WDFY2: variants seen among roughly 807,000 people sequenced by gnomAD.
The protein encoded by WDFY2 is WD repeat and FYVE domain containing 2.
In WDFY2, 36 loss-of-function variants were observed where a neutral mutation model predicts 56.4. The observed-to-expected ratio is 0.64, with a 90% CI of 0.49 to 0.84. WDFY2 has a LOEUF of 0.84. Ranked by LOEUF, WDFY2 falls within the 40% of genes least tolerant of loss-of-function variation. WDFY2 has a pLI of 0.00. For missense variants in WDFY2, 444 were observed against 512.2 expected (o/e 0.87, Z 1.29); for synonymous variants, 176 against 183.7 (o/e 0.96, Z 0.34).
At chr13:51,719,647 T>C (rs1593448078) in intron 5 of WDFY2, among the ~76,000 whole-genome samples, 1 of 152,276 alleles carries the variant, frequency 6.6e-6, no homozygotes, top group African/African-American at 2.4e-5. Flanking sequence ...CTGTCAGAAA[T>C]AATTATGGTA....
chr13:51,684,050 C>T (rs1956020519), intron 3 of WDFY2, among the ~76,000 whole-genome samples: 1 of 152,194 alleles, frequency 6.6e-6, no homozygotes. Flanking sequence ...GCTCTTCTCT[C>T]AGTTACCAGT....
At chr13:51,666,482 G>T (rs1171973372) in intron 2 of WDFY2, among the ~76,000 whole-genome samples, 1 of 152,186 alleles carries the variant, frequency 6.6e-6, no homozygotes, top group African/African-American at 2.4e-5. Flanking sequence ...TAGAACATGA[G>T]AACTGATCCC....
At chr13:51,656,660 G>A (rs1252690769) in intron 1 of WDFY2, among the ~76,000 whole-genome samples, 3 of 151,746 alleles carry the variant, frequency 2.0e-5, no homozygotes, top group Non-Finnish European at 4.4e-5. Flanking sequence ...TATTTTAGGG[G>A]CTCTGTTCTT....
chr13:51,736,596 G>A (rs558076229), intron 6 of WDFY2, among the ~76,000 whole-genome samples: 4 of 152,260 alleles, frequency 2.6e-5, no homozygotes, highest in South Asian at 2.1e-4. Context: ...GGGTTCAAGC[G>A]ATTCTTCTGC....
At chr13:51,625,591 G>A (rs1954823567) in intron 1 of WDFY2, among the ~76,000 whole-genome samples, 1 of 152,168 alleles carries the variant, frequency 6.6e-6, no homozygotes, top group Admixed American at 6.5e-5. Context: ...TTCTTAATAA[G>A]AGTCCATTAA....
intron 1 of WDFY2, among the ~76,000 whole-genome samples, chr13:51,619,907 C>T (rs1361613780): frequency 1.3e-5 from 2 of 152,222 alleles, no homozygotes; most frequent in Non-Finnish European, 2.9e-5. Context: ...TGAGACTCGC[C>T]TACTTGTTCA....
At chr13:51,697,707 A>G (rs1317893185) in intron 3 of WDFY2, among the ~76,000 whole-genome samples, 2 of 152,162 alleles carry the variant, frequency 1.3e-5, no homozygotes, top group Admixed American at 6.5e-5. Flanking sequence ...CCAATGGGAT[A>G]TTACGTAGCC....
At chr13:51,720,749 T>A (rs1176180155) in intron 5 of WDFY2, among the ~76,000 whole-genome samples, 2 of 152,150 alleles carry the variant, frequency 1.3e-5, no homozygotes, top group Non-Finnish European at 2.9e-5. Context: ...CAGTGTCTGG[T>A]GAGGGCACTC....
chr13:51,685,985 A>G (rs1375858540), intron 3 of WDFY2, among the ~76,000 whole-genome samples: 2 of 152,138 alleles, frequency 1.3e-5, no homozygotes, highest in African/African-American at 4.8e-5. Context: ...CTCATAATCT[A>G]GTCATCCTTA....
At chr13:51,607,999 C>T (rs1157265150) in intron 1 of WDFY2, among the ~76,000 whole-genome samples, 4 of 151,424 alleles carry the variant, frequency 2.6e-5, no homozygotes, top group Non-Finnish European at 4.4e-5. Flanking sequence ...GATGTGGCCA[C>T]AAGCTAAGGA....
intron 1 of WDFY2, among the ~76,000 whole-genome samples, chr13:51,641,069 CATTTATTTATTT>C (rs759933582): frequency 6.6e-6 from 1 of 151,836 alleles, no homozygotes; most frequent in Non-Finnish European, 1.5e-5. Context: ...ATTCATGGAG[CATTTATTTATTT>C]ATTTATTTAG....
At chr13:51,615,928 T>C (rs558627684) in intron 1 of WDFY2, among the ~76,000 whole-genome samples, 11 of 152,340 alleles carry the variant, frequency 7.2e-5, no homozygotes, top group Non-Finnish European at 1.5e-4. Flanking sequence ...GTAATGACTT[T>C]TTAAAAAGCA....
At chr13:51,598,377 A>C (rs1954194941) in intron 1 of WDFY2, 1 of 152,172 alleles carries the variant, frequency 6.6e-6, no homozygotes. Flanking sequence ...ATAAAAATAC[A>C]AATAAATAAA....
At chr13:51,628,151 C>T (rs1353754452) in intron 1 of WDFY2, among the ~76,000 whole-genome samples, 2 of 152,158 alleles carry the variant, frequency 1.3e-5, no homozygotes, top group African/African-American at 4.8e-5. Flanking sequence ...ATGCCATCCA[C>T]GGCACCCAGG....
rs1953749641 is a variant in WDFY2, at chr13:51,766,391, G to A, written c.*6622G>A. 1 of 152,208 alleles carries A rather than the reference G, an allele frequency of 6.6e-6. No individual in the cohort carries two copies. Among genetic ancestry groups the A allele is most frequent in the Non-Finnish European group, 1.5e-5 (1 of 68,040 alleles). The allele number at this position is 152,208 out of a possible 1,614,324, so 9.4% of individuals were successfully genotyped here. A position where few individuals can be genotyped will look rare whatever the true frequency, so the allele number is the denominator to read the frequency against. The stretch of plus-strand genomic sequence containing the variant: ...GGACTGCAGCCCAAGTCTGGACCTG[G>A]CTGCAGTGGGCATATTACCGTATGG... On this transcript the variant is annotated 3_prime_UTR_variant, in exon 12 of 12. Coordinates refer to ENST00000298125, the MANE Select transcript of WDFY2 (RefSeq NM_052950.4).
chr13:51,750,693 A>G (rs1953213412), intron 7 of WDFY2, among the ~76,000 whole-genome samples: 1 of 152,216 alleles, frequency 6.6e-6, no homozygotes, highest in Non-Finnish European at 1.5e-5. Context: ...GCCATGCACA[A>G]ACTAGAAAGA....
rs1010495217 is a variant in WDFY2, at chr13:51,761,645, A to G, written c.*1876A>G. 1 of 152,088 alleles carries G rather than the reference A, an allele frequency of 6.6e-6. No individual in the cohort carries two copies. Among genetic ancestry groups the G allele is most frequent in the Non-Finnish European group, 1.5e-5 (1 of 68,008 alleles). 9.4% of individuals were successfully genotyped at this position (152,088 alleles called of 1,614,324 possible). A position where few individuals can be genotyped will look rare whatever the true frequency, so the allele number is the denominator to read the frequency against. On this transcript the variant is annotated 3_prime_UTR_variant, in exon 12 of 12. Transcript: ENST00000298125. ...CTGGAAAGCCGTTTTTTGCCCTCAC[A>G]ATCATTCATTACTTCTCTAACTAGG...
intron 2 of WDFY2, among the ~76,000 whole-genome samples, chr13:51,667,073 CTG>C (rs1169369173): frequency 6.6e-6 from 1 of 152,148 alleles, no homozygotes; most frequent in Admixed American, 6.5e-5. Context: ...AACAGATAAA[CTG>C]TTATCTTTGT....
At chr13:51,743,063 A>C (rs531054293) in intron 7 of WDFY2, among the ~76,000 whole-genome samples, 1 of 152,366 alleles carries the variant, frequency 6.6e-6, no homozygotes, top group East Asian at 1.9e-4. Context: ...CAGGTGGACA[A>C]GGATCAGTAC....
Sources: allele counts gnomAD v4.1 joint callset (sites outside exome capture counted in the v4.1 genomes callset), GRCh38; gene constraint gnomAD v4.1.1; transcripts MANE v1.5; gene names NCBI Gene and HGNC (gene_info 2026-07-23, HGNC 2026-07-21).